The following ASTN2 variants were observed in gnomAD, a reference collection of about 807,000 sequenced individuals.
ASTN2 encodes the protein astrotactin-2.
A neutral mutation model predicts 139.8 loss-of-function variants in ASTN2; 54 were observed. That is an observed-to-expected ratio of 0.39 (90% CI 0.31 to 0.48). ASTN2 has a LOEUF of 0.48. ASTN2 is among the 20% of genes least tolerant of loss of function. The pLI, the probability that ASTN2 is intolerant of heterozygous loss-of-function variation, is 0.95. For synonymous variants in ASTN2, 756 were observed against 719.5 expected (o/e 1.05, Z -0.81); for missense variants, 1,565 against 1,725.1 (o/e 0.91, Z 1.64).
In ASTN2 at chr9:117,331,198, C is replaced by T. The variant is rs193102197; in HGVS notation, c.443-39685G>A. On this transcript the variant is annotated intron_variant, in intron 1 of 22. Transcript: ENST00000313400. The stretch of plus-strand genomic sequence containing the variant: ...TGTAAGTTGGAGGCAGAGTCTCACA[C>T]TGATGGTCAAGCTGAAGTGTGGAAG... Among the ~76,000 whole-genome samples the T allele has an allele frequency of 1.3e-3, 205 of 152,280 alleles. 1 individual carries two copies. The highest frequency in any genetic ancestry group is 4.8e-3 in the African/African-American group (199 of 41,548).
intron 1 of ASTN2, among the ~76,000 whole-genome samples, chr9:117,374,369 T>TAAAAAAA (rs57428022): frequency 2.3e-5 from 2 of 87,316 alleles, no homozygotes; most frequent in South Asian, 4.1e-4. Flanking sequence ...AGGGCAGGGT[T>TAAAAAAA]AAAAAAAAAA....
intron 5 of ASTN2, among the ~76,000 whole-genome samples, chr9:117,056,130 G>A (rs1839056949): frequency 6.6e-6 from 1 of 152,206 alleles, no homozygotes; most frequent in South Asian, 2.1e-4. Context: ...TGCAGCTCTG[G>A]TTGACAACTT....
intron 4 of ASTN2, among the ~76,000 whole-genome samples, chr9:117,101,387 T>C (rs569205403): frequency 1.3e-5 from 2 of 152,322 alleles, no homozygotes; most frequent in Admixed American, 6.5e-5. Flanking sequence ...ACAGGGCTGC[T>C]CCCGTACTTC....
chr9:116,747,900 G>A (rs1829291148), intron 13 of ASTN2, among the ~76,000 whole-genome samples: 1 of 152,172 alleles, frequency 6.6e-6, no homozygotes, highest in Non-Finnish European at 1.5e-5. Context: ...CCCTGAAATT[G>A]AAAGAAATTG....
intron 2 of ASTN2, among the ~76,000 whole-genome samples, chr9:117,269,454 A>G (rs1366450137): frequency 6.6e-6 from 1 of 152,148 alleles, no homozygotes; most frequent in East Asian, 1.9e-4. Flanking sequence ...CACCCCACAA[A>G]ATTGGGGAGG....
intron 1 of ASTN2, among the ~76,000 whole-genome samples, chr9:117,313,981 C>G (rs1195094423): frequency 6.6e-6 from 1 of 152,166 alleles, no homozygotes. Flanking sequence ...CCTAAAAATT[C>G]CCTCCTTGTT....
intron 7 of ASTN2, among the ~76,000 whole-genome samples, chr9:116,978,289 G>A (rs1168726349): frequency 6.6e-6 from 1 of 152,100 alleles, no homozygotes; most frequent in African/African-American, 2.4e-5. Context: ...AGTAGGAACC[G>A]CCCTGACTTT....
chr9:116,708,715 T>G (rs1828061440), intron 16 of ASTN2, among the ~76,000 whole-genome samples: 1 of 152,232 alleles, frequency 6.6e-6, no homozygotes, highest in South Asian at 2.1e-4. Flanking sequence ...GGCCATTCTA[T>G]CCCTGACACT....
At chr9:117,183,743 T>C (rs1462237733) in intron 3 of ASTN2, among the ~76,000 whole-genome samples, 1 of 152,222 alleles carries the variant, frequency 6.6e-6, no homozygotes, top group Non-Finnish European at 1.5e-5. Context: ...AGACTTTGTC[T>C]TCCACAAAGC....
chr9:116,613,722 A>G (rs1227303587), intron 19 of ASTN2: 1 of 152,232 alleles, frequency 6.6e-6, no homozygotes, highest in African/African-American at 2.4e-5. Context: ...GATGGGACGT[A>G]TCTCAAAATA....
At chr9:117,231,633 C>T (rs910007710) in intron 2 of ASTN2, among the ~76,000 whole-genome samples, 2 of 151,894 alleles carry the variant, frequency 1.3e-5, no homozygotes. Context: ...CTGGTGAAGT[C>T]CAAGAAGCCA....
chr9:116,833,675 T>C (rs1831891305), intron 11 of ASTN2, among the ~76,000 whole-genome samples: 1 of 152,242 alleles, frequency 6.6e-6, no homozygotes, highest in South Asian at 2.1e-4. Context: ...ACTTCTTCTT[T>C]GACCCATTGA....
chr9:117,222,548 C>T (rs1281530125), intron 2 of ASTN2, among the ~76,000 whole-genome samples: 1 of 152,156 alleles, frequency 6.6e-6, no homozygotes, highest in East Asian at 1.9e-4. Flanking sequence ...CTGTGGCTGC[C>T]AGGGACCAAA....
intron 3 of ASTN2, among the ~76,000 whole-genome samples, chr9:117,191,866 C>T (rs1178661538): frequency 6.6e-6 from 1 of 152,056 alleles, no homozygotes; most frequent in Non-Finnish European, 1.5e-5. Context: ...TCAGAATGTG[C>T]AAGGGTCCCC....
At chr9:116,947,690 A>G (rs2132479978) in intron 10 of ASTN2, among the ~76,000 whole-genome samples, 1 of 152,308 alleles carries the variant, frequency 6.6e-6, no homozygotes, top group African/African-American at 2.4e-5. Flanking sequence ...TCCATGAACC[A>G]TTGGAGAGTA....
intron 3 of ASTN2, among the ~76,000 whole-genome samples, chr9:117,185,464 G>A (rs1171385489): frequency 6.6e-6 from 1 of 152,182 alleles, no homozygotes; most frequent in African/African-American, 2.4e-5. Flanking sequence ...AGCTGCAGAT[G>A]CTTCATAACC....
chr9:117,006,133 A>AGCC (rs1837347446), intron 7 of ASTN2, among the ~76,000 whole-genome samples: 1 of 152,158 alleles, frequency 6.6e-6, no homozygotes, highest in Non-Finnish European at 1.5e-5. Context: ...CATGAAGGGC[A>AGCC]CACTGTAAAC....
chr9:116,428,317 A>G (rs1264651686), intron 22 of ASTN2, among the ~76,000 whole-genome samples: 1 of 152,176 alleles, frequency 6.6e-6, no homozygotes, highest in East Asian at 1.9e-4. Context: ...CAAAGTCAGA[A>G]GTTCGACAGC....
intron 13 of ASTN2, among the ~76,000 whole-genome samples, chr9:116,775,116 G>A (rs528992616): frequency 1.3e-5 from 2 of 152,064 alleles, no homozygotes; most frequent in East Asian, 1.9e-4. Flanking sequence ...TGGGATTCAG[G>A]TCGGAAAAGA....
Sources: gnomAD v4.1 joint callset for allele counts (sites outside exome capture counted in the v4.1 genomes callset) on GRCh38, gnomAD v4.1.1 for gene constraint, MANE v1.5 for transcripts, NCBI Gene and HGNC (gene_info 2026-07-23, HGNC 2026-07-21) for gene names.